The following UBE3D variants were observed in gnomAD, a reference collection of about 807,000 sequenced individuals.
UBE3D encodes ubiquitin protein ligase E3D.
UBE3D carries 48 observed loss-of-function variants against 49.6 expected under a neutral mutation model. The ratio of observed to expected loss-of-function variants is 0.97; its 90% CI spans 0.77 to 1.23. The LOEUF (loss-of-function observed/expected upper bound fraction) is 1.23, where lower values mean the gene tolerates loss of function less well. UBE3D is among the 50% of genes most tolerant of loss of function. UBE3D has a pLI of 0.00. For missense variants in UBE3D, 452 were observed against 468.4 expected (o/e 0.96, Z 0.32); for synonymous variants, 189 against 174.2 (o/e 1.08, Z -0.67).
chr6:82,908,067 A>C (rs1192309441), intron 9 of UBE3D, among the ~76,000 whole-genome samples: 1 of 152,218 alleles, frequency 6.6e-6, no homozygotes, highest in Non-Finnish European at 1.5e-5. Flanking sequence ...CATTATGTTA[A>C]AGTGGGAGGT....
intron 9 of UBE3D, among the ~76,000 whole-genome samples, chr6:82,943,442 G>A (rs781519547): frequency 7.2e-5 from 11 of 151,964 alleles, no homozygotes; most frequent in East Asian, 1.9e-4. Flanking sequence ...TCAAGACCAC[G>A]CTGGGCAACA....
intron 8 of UBE3D, among the ~76,000 whole-genome samples, chr6:82,978,201 C>T (rs1445659212): frequency 3.3e-5 from 5 of 152,128 alleles, no homozygotes; most frequent in Admixed American, 3.3e-4. Flanking sequence ...CTCAGTGAAA[C>T]AGTTTGATTC....
intron 8 of UBE3D, among the ~76,000 whole-genome samples, chr6:82,970,514 G>A (rs541136994): frequency 7.2e-5 from 11 of 152,276 alleles, no homozygotes; most frequent in Admixed American, 2.0e-4. Flanking sequence ...CCATTTTGAA[G>A]GTCATAGGCC....
chr6:82,995,250 G>T lies in UBE3D; in HGVS notation c.1010+23723C>A, dbSNP rs13212217. 3.3e-5 allele frequency among the ~76,000 whole-genome samples: 5 copies of T among 152,156 alleles called. No homozygotes were observed. In the East Asian group the frequency reaches 5.8e-4, roughly 18 times the overall value. On this transcript the variant is annotated intron_variant, in intron 8 of 9. Transcript: ENST00000369747. The stretch of plus-strand genomic sequence containing the variant: ...AAAAGCAAATGATTTTGCTTAACAG[G>T]TGTGTTCATTTGAGATCTTTGACTC...
chr6:82,969,988 CACAAAAT>C (rs1219856227), intron 8 of UBE3D, among the ~76,000 whole-genome samples: 1 of 150,716 alleles, frequency 6.6e-6, no homozygotes, highest in African/African-American at 2.4e-5. Flanking sequence ...TGGAACAAAA[CACAAAAT>C]ACAAAAATAG....
At chr6:82,906,387 T>C (rs1421826883) in intron 9 of UBE3D, among the ~76,000 whole-genome samples, 2 of 152,208 alleles carry the variant, frequency 1.3e-5, no homozygotes, top group African/African-American at 4.8e-5. Flanking sequence ...TTTGATATGC[T>C]TTAATCCACT....
intron 8 of UBE3D, chr6:83,018,228 T>A (rs1393045719): frequency 6.6e-6 from 1 of 152,208 alleles, no homozygotes; most frequent in Non-Finnish European, 1.5e-5. Context: ...CAAACTTTGA[T>A]TCTGTTACAA....
chr6:83,011,238 A>C (rs1780317850), intron 8 of UBE3D, among the ~76,000 whole-genome samples: 1 of 152,230 alleles, frequency 6.6e-6, no homozygotes, highest in African/African-American at 2.4e-5. Flanking sequence ...GTATACATGC[A>C]CAAACGTGTT....
At chr6:82,971,615 G>A (rs570887316) in intron 8 of UBE3D, among the ~76,000 whole-genome samples, 9 of 151,938 alleles carry the variant, frequency 5.9e-5, no homozygotes, top group African/African-American at 2.2e-4. Context: ...ATTGAGACAG[G>A]GTGTTGCTAT....
intron 9 of UBE3D, among the ~76,000 whole-genome samples, chr6:82,934,490 G>C (rs1436732798): frequency 1.3e-5 from 2 of 152,096 alleles, no homozygotes; most frequent in Non-Finnish European, 2.9e-5. Flanking sequence ...GACTTACATG[G>C]GGTTTCTCAT....
intron 5 of UBE3D, among the ~76,000 whole-genome samples, chr6:83,027,803 T>C (rs574708473): frequency 2.0e-5 from 3 of 152,372 alleles, no homozygotes; most frequent in Middle Eastern, 3.4e-3. Flanking sequence ...AATCTATAGA[T>C]TGCTATTCTT....
At chr6:82,986,470 C>CAAA (rs58841514) in intron 8 of UBE3D, among the ~76,000 whole-genome samples, 15 of 34,862 alleles carry the variant, frequency 4.3e-4, no homozygotes, top group African/African-American at 1.0e-3. Context: ...CACTCTGTCT[C>CAAA]AAAAAAAAAA....
intron 3 of UBE3D, among the ~76,000 whole-genome samples, chr6:83,046,277 AT>A (rs1783025407): frequency 6.6e-6 from 1 of 151,548 alleles, no homozygotes; most frequent in African/African-American, 2.4e-5. Context: ...TTTTCCTTTG[AT>A]TTCCCCAATC....
rs533422449 is a variant in UBE3D at position 83,019,117 on chromosome 6, T to C, written c.866A>G (p.Asp289Gly). The C allele has an allele frequency of 3.7e-6, 6 of 1,613,248 alleles. No individual in the cohort carries two copies. The South Asian group carries it at 6.6e-5, about 18-fold the overall frequency. ...VYILLWLLNS[D>G]SLVIESLRNS... ...TCTCAAAGATTCAATCACCAAACTG[T>C]CTGAATTTAAAAGCCATAGCTAAAG... is the stretch of plus-strand genomic sequence containing the variant. Residue 289 changes from aspartate to glycine, a missense_variant, in exon 8 of 10, where the codon GAC becomes GGC. Physicochemically the swap from Asp to Gly is moderately conservative, Grantham distance 94. Transcript: ENST00000369747.
At chr6:82,908,357 C>T (rs776008636) in intron 9 of UBE3D, among the ~76,000 whole-genome samples, 14 of 152,058 alleles carry the variant, frequency 9.2e-5, no homozygotes, top group Non-Finnish European at 1.5e-4. Flanking sequence ...CTACTGGCAT[C>T]TGGTAGGCAG....
chr6:83,008,246 A>T (rs1268507016), intron 8 of UBE3D, among the ~76,000 whole-genome samples: 5 of 152,154 alleles, frequency 3.3e-5, no homozygotes, highest in Non-Finnish European at 5.9e-5. Flanking sequence ...ACATTGCCAA[A>T]TGTCTCCTGT....
In UBE3D at chr6:83,065,679, C is replaced by T. The variant is rs1252820786; in HGVS notation, c.40G>A (p.Val14Met). Residue 14 changes from valine to methionine, a missense_variant, in exon 1 of 10, where the codon GTG (valine) becomes ATG (methionine). Physicochemically the swap from Val to Met is conservative, Grantham distance 21 (BLOSUM62 1). Coordinates refer to ENST00000369747, the MANE Select transcript of UBE3D (RefSeq NM_198920.3). ...AGCGCGCTCTGCAGCTGTCCCCGCA[C>T]CTCCAGAAACACGCGCGTCTCCGCC... is the stretch of plus-strand genomic sequence containing the variant. The part of the protein sequence containing the change: ...SAAETRVFLE[V>M]RGQLQSALLI... 2.5e-6 allele frequency: 4 copies of T among 1,613,738 alleles called. No homozygotes were observed. The highest frequency in any genetic ancestry group is 2.5e-6 in the Non-Finnish European group (3 of 1,179,838).
At chr6:82,913,135 T>A (rs940028982) in intron 9 of UBE3D, among the ~76,000 whole-genome samples, 1 of 152,216 alleles carries the variant, frequency 6.6e-6, no homozygotes, top group African/African-American at 2.4e-5. Flanking sequence ...GAGGCCAATA[T>A]GGCTCTGACT....
At chr6:83,030,449 C>T (rs1781786784) in intron 5 of UBE3D, among the ~76,000 whole-genome samples, 1 of 152,182 alleles carries the variant, frequency 6.6e-6, no homozygotes, top group South Asian at 2.1e-4. Flanking sequence ...CCTGTAAGAC[C>T]TGCCTTTCCT....
Sources: gnomAD v4.1 joint callset for allele counts (sites outside exome capture counted in the v4.1 genomes callset) on GRCh38, gnomAD v4.1.1 for gene constraint, MANE v1.5 for transcripts, NCBI Gene and HGNC (gene_info 2026-07-23, HGNC 2026-07-21) for gene names.